H1-3: variants seen among roughly 807,000 people sequenced by gnomAD.
H1-3 encodes histone H1.3.
H1-3 carries 4 observed loss-of-function variants against 3.6 expected under a neutral mutation model. That is an observed-to-expected ratio of 1.12 (90% CI 0.55 to 2.57). H1-3 has a LOEUF of 2.57. H1-3 is among the 30% of genes most tolerant of loss of function. The pLI is 0.02. For missense variants in H1-3, 670 were observed against 274.3 expected (o/e 2.44, Z -10.19); for synonymous variants, 266 against 110.0 (o/e 2.42, Z -8.87).
rs369482120 is a variant in H1-3, at chr6:26,234,331, G to A, written c.603C>T (p.Ala201=). ...CCTTCGGCTTCCCCGACTTAGGCTT[G>A]GCCGCCTTGGGCTTAGGGGCTTTGG... is the stretch of plus-strand genomic sequence containing the variant. ...AKAKAPKPKA[A]KPKSGKPKVT... is the part of the protein sequence containing the mutation. Residue 201 remains alanine, a synonymous_variant, in exon 1 of 1, where the codon GCC becomes GCT. Coordinates refer to ENST00000244534, the MANE Select transcript of H1-3 (RefSeq NM_005320.3). 7.3e-5 allele frequency: 117 copies of A among 1,613,578 alleles called. 1 individual carries two copies. The highest frequency in any genetic ancestry group is 9.4e-5 in the Non-Finnish European group (111 of 1,179,894).
rs1429363896 is a variant in H1-3 at position 26,234,768 on chromosome 6, T to C, written c.166A>G (p.Ser56Gly). Residue 56 changes from serine (S) to glycine (G), a missense_variant, in exon 1 of 1, where the codon AGC becomes GGC. Physicochemically the swap from Ser to Gly is moderately conservative, Grantham distance 56 (BLOSUM62 0). Coordinates refer to ENST00000244534, the MANE Select transcript of H1-3 (RefSeq NM_005320.3). The stretch of plus-strand genomic sequence containing the variant: ...TTAAGCGCGGCCAGAGAAACGCCGC[T>C]GCGCTCCTTAGAAGCTGCCACTGCC... ...TKAVAASKER[S>G]GVSLAALKKA... 3.1e-6 allele frequency: 5 copies of C among 1,614,128 alleles called. No homozygotes were observed. The highest frequency in any genetic ancestry group is 4.2e-6 in the Non-Finnish European group (5 of 1,180,050).
rs771890315 is a variant in H1-3, at chr6:26,234,544, C to T, written c.390G>A (p.Arg130=). ...KAKKAGAAKP[R]KPAGAAKKPK... is the part of the protein sequence containing the mutation. ...GCTTCTTGGCTGCCCCAGCAGGCTT[C>T]CTAGGCTTGGCTGCGCCAGCCTTTT... Residue 130 remains arginine (R), a synonymous_variant, in exon 1 of 1, where the codon AGG becomes AGA. Coordinates refer to ENST00000244534, the MANE Select transcript of H1-3 (RefSeq NM_005320.3). The T allele has an allele frequency of 4.0e-5, 65 of 1,612,542 alleles. 2 individuals are homozygous for T. The South Asian group carries it at 6.6e-4, about 16-fold the overall frequency.
At position 26,234,610 on chromosome 6, in the gene H1-3, G is replaced by A; in HGVS notation, c.324C>T (p.Leu108=). 1 of 1,614,068 alleles carries A rather than the reference G, an allele frequency of 6.2e-7. No individual in the cohort carries two copies. Among genetic ancestry groups the A allele is most frequent in the Non-Finnish European group, 8.5e-7 (1 of 1,180,038 alleles). Residue 108 remains leucine (L), a synonymous_variant, in exon 1 of 1, where the codon CTC becomes CTT. Transcript: ENST00000244534. ...CTTCCCCGGAAGCCGCTTTCTTGTT[G>A]AGTTTGAAGGAGCCAGAAGCACCGG... The part of the protein sequence containing the change: ...KGTGASGSFK[L]NKKAASGEGK...
Position 26,234,391 on chromosome 6 carries a change from A to C in H1-3, c.543T>G (p.Pro181=). The change falls in exon 1 of 1, where the codon CCT becomes CCG. Residue 181 remains proline (P), a synonymous_variant. Transcript: ENST00000244534. ...GACTCTTGGCAGCTTTTTTTGGCTG[A>C]GGTGTTTTCACCTTTTTCGCACTCT... ...VAKSAKKVKT[P]QPKKAAKSPA... 1.2e-6 allele frequency: 2 copies of C among 1,614,138 alleles called. No individual in the cohort carries two copies. The highest frequency in any genetic ancestry group is 1.7e-6 in the Non-Finnish European group (2 of 1,180,024).
chr6:26,234,712 T>TAC lies in H1-3; in HGVS notation c.220_221dup (p.Glu75Ter). ...GCTTGATACGGCTGTTGTTTTTTTC[T>TAC]ACATCGTAGCCAGCAGCCGCAAGCG... On this transcript the variant is annotated frameshift_variant, in exon 1 of 1. Transcript: ENST00000244534. LOFTEE classifies it high-confidence loss of function. The TAC allele has an allele frequency of 1.2e-6, 2 of 1,613,782 alleles. No homozygotes were observed. The highest frequency in any genetic ancestry group is 1.7e-6 in the Non-Finnish European group (2 of 1,179,924).
Position 26,234,532 on chromosome 6 carries a change from C to T in H1-3, c.402G>A (p.Gly134=), listed in dbSNP as rs1190729928. 16 of 1,613,422 alleles carry T rather than the reference C, an allele frequency of 9.9e-6. No individual in the cohort carries two copies. The highest frequency in any genetic ancestry group is 1.4e-5 in the Non-Finnish European group (16 of 1,179,894). Reference sequence around the variant, plus strand: ...CCACCTTCTTGGGCTTCTTGGCTGCCCCAGCAGGCTTCCTAGGCTTGGCTG... The same window carrying T: ...CCACCTTCTTGGGCTTCTTGGCTGCTCCAGCAGGCTTCCTAGGCTTGGCTG... ...AGAAKPRKPA[G]AAKKPKKVAG... The change falls in exon 1 of 1, where the codon GGG becomes GGA. Residue 134 remains glycine (G), a synonymous_variant. Transcript: ENST00000244534.
Position 26,234,767 on chromosome 6 carries a change from C to T in H1-3, c.167G>A (p.Ser56Asn), listed in dbSNP as rs764772054. ...CTTAAGCGCGGCCAGAGAAACGCCG[C>T]TGCGCTCCTTAGAAGCTGCCACTGC... ...TKAVAASKER[S>N]GVSLAALKKA... The change falls in exon 1 of 1, where the codon AGC (serine) becomes AAC (asparagine). Residue 56 changes from serine to asparagine, a missense_variant. Coordinates refer to ENST00000244534, the MANE Select transcript of H1-3 (RefSeq NM_005320.3). 6.2e-7 allele frequency: 1 copy of T among 1,614,108 alleles called. No homozygotes were observed. The highest frequency in any genetic ancestry group is 1.7e-5 in the Admixed American group (1 of 60,010).
Position 26,234,490 on chromosome 6 carries a change from CG to C in H1-3, c.443del (p.Pro148ArgfsTer12). 5 of 1,614,016 alleles carry C rather than the reference CG, an allele frequency of 3.1e-6. No individual in the cohort carries two copies. The highest frequency in any genetic ancestry group is 4.2e-6 in the Non-Finnish European group (5 of 1,180,030). ...KPKKVAGAAT[P>X]KKSIKKTPKK... The stretch of plus-strand genomic sequence containing the variant: ...TAGGAGTCTTTTTGATGCTTTTCTT[CG>C]GGGTAGCGGCGCCAGCCACCTTCTT... On this transcript the variant is annotated frameshift_variant, in exon 1 of 1. Transcript: ENST00000244534. LOFTEE classifies it low-confidence loss of function (END_TRUNC).
At position 26,234,389 on chromosome 6, in the gene H1-3, T is replaced by G. The variant is rs570483224; in HGVS notation, c.545A>C (p.Gln182Pro). The change falls in exon 1 of 1, where the codon CAG becomes CCG. Residue 182 changes from glutamine (Q) to proline (P), a missense_variant. Physicochemically the swap from Gln to Pro is moderately conservative, Grantham distance 76. Transcript: ENST00000244534. ...TGGACTCTTGGCAGCTTTTTTTGGC[T>G]GAGGTGTTTTCACCTTTTTCGCACT... ...AKSAKKVKTP[Q>P]PKKAAKSPAK... 1 of 1,614,264 alleles carries G rather than the reference T, an allele frequency of 6.2e-7. No individual in the cohort carries two copies. Among genetic ancestry groups the G allele is most frequent in the Non-Finnish European group, 8.5e-7 (1 of 1,180,046 alleles).
At position 26,234,563 on chromosome 6, in the gene H1-3, G is replaced by A. The variant is rs373384671; in HGVS notation, c.371C>T (p.Ala124Val). 3 of 1,612,762 alleles carry A rather than the reference G, an allele frequency of 1.9e-6. No homozygotes were observed. Among genetic ancestry groups the A allele is most frequent in the Non-Finnish European group, 1.7e-6 (2 of 1,179,776 alleles). Residue 124 changes from alanine (A) to valine (V), a missense_variant, in exon 1 of 1, where the codon GCT (alanine) becomes GTT (valine). Transcript: ENST00000244534. ...SGEGKPKAKK[A>V]GAAKPRKPAG... Reference sequence around the variant, plus strand: ...AGGCTTCCTAGGCTTGGCTGCGCCAGCCTTTTTGGCCTTGGGTTTGCCTTC... The same window carrying A: ...AGGCTTCCTAGGCTTGGCTGCGCCAACCTTTTTGGCCTTGGGTTTGCCTTC...
chr6:26,234,643 G>A lies in H1-3; in HGVS notation c.291C>T (p.Thr97=), dbSNP rs955234705. 1.9e-6 allele frequency: 3 copies of A among 1,614,028 alleles called. No individual in the cohort carries two copies. Among genetic ancestry groups the A allele is most frequent in the Middle Eastern group, 1.6e-4 (1 of 6,066 alleles). Residue 97 remains threonine, a synonymous_variant, in exon 1 of 1, where the codon ACC becomes ACT. Coordinates refer to ENST00000244534, the MANE Select transcript of H1-3 (RefSeq NM_005320.3). The part of the protein sequence containing the change: ...SLVSKGTLVQ[T]KGTGASGSFK... ...AGGAGCCAGAAGCACCGGTACCTTT[G>A]GTCTGCACCAGAGTACCTTTGCTCA... is the stretch of plus-strand genomic sequence containing the variant.
Position 26,234,478 on chromosome 6 carries a change from G to T in H1-3, c.456C>A (p.Ile152=). The T allele has an allele frequency of 2.5e-6, 4 of 1,614,020 alleles. No individual in the cohort carries two copies. Among genetic ancestry groups the T allele is most frequent in the Non-Finnish European group, 3.4e-6 (4 of 1,180,012 alleles). ...TCTTTACCTTCTTAGGAGTCTTTTT[G>T]ATGCTTTTCTTCGGGGTAGCGGCGC... The part of the protein sequence containing the change: ...VAGAATPKKS[I]KKTPKKVKKP... The change falls in exon 1 of 1, where the codon ATC becomes ATA. Residue 152 remains isoleucine, a synonymous_variant. Transcript: ENST00000244534.
Position 26,234,562 on chromosome 6 carries a change from A to G in H1-3, c.372T>C (p.Ala124=), listed in dbSNP as rs1038204406. Residue 124 remains alanine (A), a synonymous_variant, in exon 1 of 1, where the codon GCT becomes GCC. Transcript: ENST00000244534. ...CAGGCTTCCTAGGCTTGGCTGCGCC[A>G]GCCTTTTTGGCCTTGGGTTTGCCTT... ...SGEGKPKAKK[A]GAAKPRKPAG... 5 of 1,612,828 alleles carry G rather than the reference A, an allele frequency of 3.1e-6. No homozygotes were observed. The highest frequency in any genetic ancestry group is 4.2e-6 in the Non-Finnish European group (5 of 1,179,750).
chr6:26,234,802 A>G lies in H1-3; in HGVS notation c.132T>C (p.Leu44=). 6.2e-7 allele frequency: 1 copy of G among 1,614,184 alleles called. No individual in the cohort carries two copies. The highest frequency in any genetic ancestry group is 1.1e-5 in the South Asian group (1 of 91,084). Residue 44 remains leucine (L), a synonymous_variant, in exon 1 of 1, where the codon CTT becomes CTC. Transcript: ENST00000244534. ...TAGAAGCTGCCACTGCCTTGGTGATAAGCTCAGATACTGGGGGTCCGGATG... is the reference window on the plus strand; with the variant it reads ...TAGAAGCTGCCACTGCCTTGGTGATGAGCTCAGATACTGGGGGTCCGGATG... The part of the protein sequence containing the change: ...RKASGPPVSE[L]ITKAVAASKE...
rs201072809 is a variant in H1-3, at chr6:26,234,250, G to A, written c.*18C>T. 1.4e-5 allele frequency: 22 copies of A among 1,577,122 alleles called. No homozygotes were observed. Among genetic ancestry groups the A allele is most frequent in the East Asian group, 8.9e-5 (4 of 44,716 alleles). On this transcript the variant is annotated 3_prime_UTR_variant, in exon 1 of 1. Transcript: ENST00000244534. ...AAAGAGCCGTTTAAAATTTTCAAAG[G>A]GGAACGTCCCGCCAGTTTCACTTTT...
At position 26,234,387 on chromosome 6, in the gene H1-3, G is replaced by T. The variant is rs1231268796; in HGVS notation, c.547C>A (p.Pro183Thr). 2 of 1,614,056 alleles carry T rather than the reference G, an allele frequency of 1.2e-6. No homozygotes were observed. The highest frequency in any genetic ancestry group is 1.7e-6 in the Non-Finnish European group (2 of 1,180,038). The part of the protein sequence containing the change: ...KSAKKVKTPQ[P>T]KKAAKSPAKA... Reference sequence around the variant, plus strand: ...GCTGGACTCTTGGCAGCTTTTTTTGGCTGAGGTGTTTTCACCTTTTTCGCA... The same window carrying T: ...GCTGGACTCTTGGCAGCTTTTTTTGTCTGAGGTGTTTTCACCTTTTTCGCA... The change falls in exon 1 of 1, where the codon CCA becomes ACA. Residue 183 changes from proline to threonine, a missense_variant. By Grantham distance (38) the Pro-to-Thr change is conservative. Coordinates refer to ENST00000244534, the MANE Select transcript of H1-3 (RefSeq NM_005320.3).
chr6:26,234,800 A>G lies in H1-3; in HGVS notation c.134T>C (p.Ile45Thr). The change falls in exon 1 of 1, where the codon ATC becomes ACC. Residue 45 changes from isoleucine to threonine, a missense_variant. Coordinates refer to ENST00000244534, the MANE Select transcript of H1-3 (RefSeq NM_005320.3). ...KASGPPVSEL[I>T]TKAVAASKER... ...CTTAGAAGCTGCCACTGCCTTGGTG[A>G]TAAGCTCAGATACTGGGGGTCCGGA... is the stretch of plus-strand genomic sequence containing the variant. 3 of 1,614,218 alleles carry G rather than the reference A, an allele frequency of 1.9e-6. No individual in the cohort carries two copies. Among genetic ancestry groups the G allele is most frequent in the African/African-American group, 1.3e-5 (1 of 75,058 alleles).
At position 26,234,770 on chromosome 6, in the gene H1-3, C is replaced by A. The variant is rs757799635; in HGVS notation, c.164G>T (p.Arg55Leu). 3.1e-6 allele frequency: 5 copies of A among 1,614,226 alleles called. No homozygotes were observed. Among genetic ancestry groups the A allele is most frequent in the Non-Finnish European group, 3.4e-6 (4 of 1,180,042 alleles). Residue 55 changes from arginine (R) to leucine (L), a missense_variant, in exon 1 of 1, where the codon CGC becomes CTC. By Grantham distance (102) the Arg-to-Leu change is moderately radical. Transcript: ENST00000244534. ...ITKAVAASKE[R>L]SGVSLAALKK... ...AAGCGCGGCCAGAGAAACGCCGCTG[C>A]GCTCCTTAGAAGCTGCCACTGCCTT...
chr6:26,234,286 T>TGCC lies in H1-3; in HGVS notation c.645_647dup (p.Ala217dup), dbSNP rs749834189. On this transcript the variant is annotated inframe_insertion, in exon 1 of 1. Transcript: ENST00000244534. ...GCCAGTTTCACTTTTTCTTCGGAGC[T>TGCC]GCCTTCTTTGCCTTTGTAACCTTCG... 109 of 1,595,436 alleles carry TGCC rather than the reference T, an allele frequency of 6.8e-5. No individual in the cohort carries two copies. In the African/African-American group the frequency reaches 1.4e-3, roughly 21 times the overall value.
Sources: allele counts gnomAD v4.1 joint callset, GRCh38; gene constraint gnomAD v4.1.1; transcripts MANE v1.5; gene names NCBI Gene and HGNC (gene_info 2026-07-23, HGNC 2026-07-21).